The following PKIA variants were observed in gnomAD, a reference collection of about 807,000 sequenced individuals.
The protein encoded by PKIA is PKI-alpha.
A neutral mutation model predicts 7.6 loss-of-function variants in PKIA; 4 were observed. That is an observed-to-expected ratio of 0.52 (90% confidence interval 0.26 to 1.20). The LOEUF is 1.20. Ranked by LOEUF, PKIA falls within the 50% of genes most tolerant of loss-of-function variation. The probability of loss-of-function intolerance (pLI) is 0.13; values close to 1 mark genes in which losing one functional copy is unlikely to be tolerated. For synonymous variants in PKIA, 21 were observed against 30.7 expected (o/e 0.68, Z 1.04); for missense variants, 73 against 86.2 (o/e 0.85, Z 0.61).
chr8:78,518,047 A>T (rs1809348505), intron 1 of PKIA, among the ~76,000 whole-genome samples: 2 of 152,236 alleles, frequency 1.3e-5, no homozygotes, highest in Non-Finnish European at 2.9e-5. Context: ...TTTTAAGCAA[A>T]GACACTAGTA....
intron 2 of PKIA, among the ~76,000 whole-genome samples, chr8:78,585,965 G>A (rs1332149139): frequency 1.3e-5 from 2 of 152,106 alleles, no homozygotes; most frequent in Admixed American, 1.3e-4. Flanking sequence ...ATTTATCCAA[G>A]TTAGAAATCT....
intron 2 of PKIA, among the ~76,000 whole-genome samples, chr8:78,588,348 C>T (rs557100226): frequency 2.2e-4 from 33 of 152,088 alleles, no homozygotes; most frequent in Non-Finnish European, 3.4e-4. Context: ...GGCATGGTGG[C>T]GCATGCCTGT....
chr8:78,583,953 A>G (rs931409450), intron 2 of PKIA, among the ~76,000 whole-genome samples: 8 of 152,140 alleles, frequency 5.3e-5, no homozygotes, highest in Non-Finnish European at 1.2e-4. Context: ...GCATTGCCAC[A>G]GGCGAGGGAG....
At chr8:78,600,991 C>T (rs538996756) in intron 3 of PKIA, among the ~76,000 whole-genome samples, 4 of 152,162 alleles carry the variant, frequency 2.6e-5, no homozygotes, top group South Asian at 4.1e-4. Flanking sequence ...AACAAAATAT[C>T]GCATGCAGAT....
chr8:78,518,479 A>G (rs188813870), intron 1 of PKIA, among the ~76,000 whole-genome samples: 99 of 152,308 alleles, frequency 6.5e-4, no homozygotes, highest in African/African-American at 2.3e-3. Context: ...ATATAGAATA[A>G]TAATGAATTT....
chr8:78,582,135 T>C (rs1314424556), intron 2 of PKIA, among the ~76,000 whole-genome samples: 1 of 151,758 alleles, frequency 6.6e-6, no homozygotes, highest in African/African-American at 2.4e-5. Flanking sequence ...GGTGCTAATC[T>C]CTCTTGCTAA....
At chr8:78,594,254 T>G (rs1808175347) in intron 2 of PKIA, among the ~76,000 whole-genome samples, 1 of 152,078 alleles carries the variant, frequency 6.6e-6, no homozygotes, top group Non-Finnish European at 1.5e-5. Context: ...GGGGAAAAAC[T>G]GTTACGGGTG....
intron 1 of PKIA, among the ~76,000 whole-genome samples, chr8:78,552,769 C>T (rs1347923243): frequency 1.3e-5 from 2 of 151,936 alleles, no homozygotes; most frequent in African/African-American, 4.8e-5. Context: ...ACCTAAGTGT[C>T]TTTCCATAGA....
chr8:78,586,903 A>T lies in PKIA; in HGVS notation c.-27-11455A>T, dbSNP rs117325685. On this transcript the variant is annotated intron_variant, in intron 2 of 3. Transcript: ENST00000396418. ...AGAATACTGTTTTGAGAGAGTTGTTAAGAAATTTAAATTATATAATCCATA... is the reference window on the plus strand; with the variant it reads ...AGAATACTGTTTTGAGAGAGTTGTTTAGAAATTTAAATTATATAATCCATA... Among the ~76,000 whole-genome samples, 739 of 152,278 alleles carry T rather than the reference A, an allele frequency of 4.9e-3. 4 individuals carry two copies. Among genetic ancestry groups the T allele is most frequent in the Non-Finnish European group, 8.1e-3 (548 of 68,014 alleles).
At chr8:78,585,362 G>A (rs888178075) in intron 2 of PKIA, among the ~76,000 whole-genome samples, 5 of 151,976 alleles carry the variant, frequency 3.3e-5, no homozygotes, top group Admixed American at 2.6e-4. Flanking sequence ...TAGCCTGAAA[G>A]ATTTGAAAAT....
Position 78,602,715 on chromosome 8 carries a change from T to TATATATATATATATATATATATA in PKIA, c.*894_*895insATATATATATATATATATATATA, listed in dbSNP as rs1808381350. 8.0e-6 allele frequency: 1 copy of TATATATATATATATATATATATA among 125,766 alleles called. No homozygotes were observed. The highest frequency in any genetic ancestry group is 1.7e-5 in the Non-Finnish European group (1 of 58,860). The allele number at this position is 125,766 out of a possible 1,614,324, so 7.8% of individuals were successfully genotyped here. On this transcript the variant is annotated 3_prime_UTR_variant, in exon 4 of 4. Coordinates refer to ENST00000396418, the MANE Select transcript of PKIA (RefSeq NM_006823.4). The stretch of plus-strand genomic sequence containing the variant: ...ACATAATATATATATATATATATAT[T>TATATATATATATATATATATATA]TTAATTTATGAGAATTTTGGACAAT...
chr8:78,554,851 A>G (rs1585893746), intron 1 of PKIA, among the ~76,000 whole-genome samples: 1 of 152,130 alleles, frequency 6.6e-6, no homozygotes, highest in African/African-American at 2.4e-5. Flanking sequence ...CTTTTCAATG[A>G]ATAACTTTAC....
At chr8:78,553,226 G>C (rs1807032641) in intron 1 of PKIA, among the ~76,000 whole-genome samples, 2 of 151,988 alleles carry the variant, frequency 1.3e-5, no homozygotes, top group East Asian at 1.9e-4. Flanking sequence ...AACAAATCTG[G>C]TGCATGTGGG....
chr8:78,590,573 C>G (rs1028854379), intron 2 of PKIA, among the ~76,000 whole-genome samples: 2 of 151,384 alleles, frequency 1.3e-5, no homozygotes, highest in Non-Finnish European at 2.9e-5. Flanking sequence ...AACCAGATGT[C>G]TTTTATTAAG....
At chr8:78,537,599 C>T (rs1276286137) in intron 1 of PKIA, among the ~76,000 whole-genome samples, 2 of 149,228 alleles carry the variant, frequency 1.3e-5, no homozygotes, top group Non-Finnish European at 3.0e-5. Context: ...CCACCCCCCA[C>T]CGCCAACAAC....
At chr8:78,580,260 GA>G (rs1480671142) in intron 2 of PKIA, among the ~76,000 whole-genome samples, 1 of 152,034 alleles carries the variant, frequency 6.6e-6, no homozygotes, top group Non-Finnish European at 1.5e-5. Context: ...GATATGTAAA[GA>G]ATATGTAATC....
chr8:78,559,108 G>A (rs536080236), intron 1 of PKIA, among the ~76,000 whole-genome samples: 15 of 152,242 alleles, frequency 9.9e-5, no homozygotes, highest in African/African-American at 2.9e-4. Flanking sequence ...TTTTAGTAGA[G>A]ACAGGGTTTC....
chr8:78,528,658 TAAAA>T (rs755210393), intron 1 of PKIA, among the ~76,000 whole-genome samples: 2 of 120,120 alleles, frequency 1.7e-5, no homozygotes, highest in African/African-American at 3.1e-5. Flanking sequence ...ACCCTGTCTC[TAAAA>T]AAAAAAAAAA....
At chr8:78,568,941 A>C (rs1213889343) in intron 1 of PKIA, among the ~76,000 whole-genome samples, 1 of 151,990 alleles carries the variant, frequency 6.6e-6, no homozygotes, top group African/African-American at 2.4e-5. Flanking sequence ...TGGTTCCCCC[A>C]CCAGAGTTGT....
Sources: allele counts gnomAD v4.1 joint callset (sites outside exome capture counted in the v4.1 genomes callset), GRCh38; gene constraint gnomAD v4.1.1; transcripts MANE v1.5; gene names NCBI Gene and HGNC (gene_info 2026-07-23, HGNC 2026-07-21).